Variants in ARSJ observed in about 807,000 individuals in gnomAD.
ARSJ encodes the protein arylsulfatase J.
A neutral mutation model predicts 35.9 loss-of-function variants in ARSJ; 26 were observed. The observed-to-expected ratio is 0.72, with a 90% CI of 0.53 to 1.00. The LOEUF is 1.00. Ranked by LOEUF, ARSJ falls within the 50% of genes least tolerant of loss-of-function variation. ARSJ has a pLI of 0.00. For missense variants in ARSJ, 667 were observed against 723.6 expected (o/e 0.92, Z 0.90); for synonymous variants, 294 against 267.6 (o/e 1.10, Z -0.96).
chr4:113,939,111 T>C (rs1340850923), intron 1 of ARSJ, among the ~76,000 whole-genome samples: 1 of 140,302 alleles, frequency 7.1e-6, no homozygotes, highest in Non-Finnish European at 1.5e-5. Context: ...CCTGCCTGTG[T>C]CCATGTGTTC....
In ARSJ at chr4:113,908,659, G is replaced by C. The variant is rs961978216; in HGVS notation, c.399-4984C>G. Among the ~76,000 whole-genome samples the C allele has an allele frequency of 2.6e-5, 4 of 152,040 alleles. No homozygotes were observed. In the East Asian group the frequency reaches 5.8e-4, roughly 22 times the overall value. ...TTAATTAGAACACATCTGAAAAATA[G>C]TATTCAATATTTAAGCATGTTCCCC... On this transcript the variant is annotated intron_variant, in intron 1 of 1. Coordinates refer to ENST00000315366, the MANE Select transcript of ARSJ (RefSeq NM_024590.4).
intron 1 of ARSJ, among the ~76,000 whole-genome samples, chr4:113,922,736 G>C (rs1456022234): frequency 1.3e-5 from 2 of 152,094 alleles, no homozygotes; most frequent in African/African-American, 4.8e-5. Flanking sequence ...TGCCAGTTTT[G>C]CTTGGTTATA....
chr4:113,919,728 C>T (rs893524760), intron 1 of ARSJ, among the ~76,000 whole-genome samples: 2 of 152,106 alleles, frequency 1.3e-5, no homozygotes, highest in Non-Finnish European at 2.9e-5. Flanking sequence ...TGCAACATAA[C>T]CCCATGTTTT....
In ARSJ at chr4:113,978,822, C is replaced by A. The variant is rs767952459; in HGVS notation, c.13G>T (p.Gly5Cys). The change falls in exon 1 of 2, where the codon GGC (glycine) becomes TGC (cysteine). Residue 5 changes from glycine to cysteine, a missense_variant. Gly to Cys is a radical substitution (Grantham distance 159). Transcript: ENST00000315366. Reference sequence around the variant, plus strand: ...GGCGGAGGCGGATGCCCCGCACAGCCCCTGGGAGCCATTCACTCAGGTCCC... The same window carrying A: ...GGCGGAGGCGGATGCCCCGCACAGCACCTGGGAGCCATTCACTCAGGTCCC... MAPR[G>C]CAGHPPPPSP... The A allele has an allele frequency of 2.5e-6, 4 of 1,601,054 alleles. No homozygotes were observed. The highest frequency in any genetic ancestry group is 2.7e-5 in the African/African-American group (2 of 74,352).
intron 1 of ARSJ, among the ~76,000 whole-genome samples, chr4:113,929,521 C>T (rs1724294392): frequency 6.6e-6 from 1 of 152,092 alleles, no homozygotes; most frequent in Admixed American, 6.5e-5. Flanking sequence ...CTCAGTGTCC[C>T]CAGGTTTATC....
At chr4:113,949,003 G>A (rs553370289) in intron 1 of ARSJ, among the ~76,000 whole-genome samples, 3 of 152,208 alleles carry the variant, frequency 2.0e-5, no homozygotes, top group African/African-American at 7.2e-5. Context: ...GGAATACTAA[G>A]CAGCTATAAA....
At chr4:113,959,791 G>C (rs929963647) in intron 1 of ARSJ, among the ~76,000 whole-genome samples, 2 of 151,936 alleles carry the variant, frequency 1.3e-5, no homozygotes, top group African/African-American at 4.8e-5. Flanking sequence ...AATGGAATTT[G>C]GTTTCTGAAA....
chr4:113,938,727 A>G (rs2149268074), intron 1 of ARSJ, among the ~76,000 whole-genome samples: 1 of 151,996 alleles, frequency 6.6e-6, no homozygotes, highest in African/African-American at 2.4e-5. Context: ...TTTACAAGAA[A>G]AAAAAACTAC....
rs893797146 is a variant in ARSJ at position 113,900,710 on chromosome 4, T to C, written c.*1564A>G. 1 of 152,152 alleles carries C rather than the reference T, an allele frequency of 6.6e-6. No homozygotes were observed. Among genetic ancestry groups the C allele is most frequent in the African/African-American group, 2.4e-5 (1 of 41,446 alleles). 9.4% of individuals were successfully genotyped at this position (152,152 alleles called of 1,614,324 possible). A position where few individuals can be genotyped will look rare whatever the true frequency, so the allele number is the denominator to read the frequency against. On this transcript the variant is annotated 3_prime_UTR_variant, in exon 2 of 2. Coordinates refer to ENST00000315366, the MANE Select transcript of ARSJ (RefSeq NM_024590.4). ...TACTGTAAGCTTCAAGGCCTCTGCA[T>C]TAGGAGAGGGCACTTCAAAGAAAAC...
chr4:113,922,596 T>C (rs758070611), intron 1 of ARSJ, among the ~76,000 whole-genome samples: 9 of 152,196 alleles, frequency 5.9e-5, no homozygotes, highest in Admixed American at 1.3e-4. Flanking sequence ...GCTGTCTTCA[T>C]GCTTTTACTT....
intron 1 of ARSJ, among the ~76,000 whole-genome samples, chr4:113,910,071 T>G (rs189728895): frequency 5.9e-5 from 9 of 152,310 alleles, no homozygotes; most frequent in Admixed American, 1.3e-4. Context: ...TAAGTTTTTT[T>G]GTCACAGTCT....
chr4:113,908,071 A>C (rs916256057), intron 1 of ARSJ, among the ~76,000 whole-genome samples: 12 of 152,208 alleles, frequency 7.9e-5, no homozygotes, highest in African/African-American at 2.7e-4. Context: ...AACTGCACGT[A>C]AACCCCTAGA....
chr4:113,968,829 T>G (rs1264440681), intron 1 of ARSJ, among the ~76,000 whole-genome samples: 4 of 152,182 alleles, frequency 2.6e-5, no homozygotes, highest in African/African-American at 9.7e-5. Flanking sequence ...TTTACTCAGG[T>G]CTTATTGTAG....
At chr4:113,913,176 T>A (rs1723049920) in intron 1 of ARSJ, among the ~76,000 whole-genome samples, 1 of 152,156 alleles carries the variant, frequency 6.6e-6, no homozygotes, top group African/African-American at 2.4e-5. Context: ...ACTTGTCAAG[T>A]AACTTTTAAA....
chr4:113,966,315 C>T (rs1356741153), intron 1 of ARSJ, among the ~76,000 whole-genome samples: 3 of 151,106 alleles, frequency 2.0e-5, no homozygotes, highest in Admixed American at 6.6e-5. Context: ...GGAACTTATA[C>T]TCATTTATGT....
At chr4:113,904,999 G>T (rs1382494530) in intron 1 of ARSJ, among the ~76,000 whole-genome samples, 1 of 152,144 alleles carries the variant, frequency 6.6e-6, no homozygotes, top group Non-Finnish European at 1.5e-5. Context: ...GTCTAAGAAA[G>T]CATAACACTT....
chr4:113,928,444 T>C (rs1018093995), intron 1 of ARSJ, among the ~76,000 whole-genome samples: 17 of 152,112 alleles, frequency 1.1e-4, no homozygotes, highest in African/African-American at 4.1e-4. Context: ...AAAATAGTCT[T>C]TTGTCCATTC....
intron 1 of ARSJ, among the ~76,000 whole-genome samples, chr4:113,903,947 G>A (rs1018586923): frequency 1.7e-4 from 26 of 152,148 alleles, no homozygotes; most frequent in African/African-American, 6.0e-4. Flanking sequence ...TTTTTGAGAC[G>A]GAGTCTTAGT....
At chr4:113,955,004 C>CTT (rs771948398) in intron 1 of ARSJ, among the ~76,000 whole-genome samples, 2,637 of 138,192 alleles carry the variant, frequency 0.019, 99 homozygotes, top group African/African-American at 0.066. Context: ...TTTTTCTTTT[C>CTT]TTTTTTTTTT....
Sources: allele counts gnomAD v4.1 joint callset (sites outside exome capture counted in the v4.1 genomes callset), GRCh38; gene constraint gnomAD v4.1.1; transcripts MANE v1.5; gene names NCBI Gene and HGNC (gene_info 2026-07-23, HGNC 2026-07-21).